The following E2F3 variants were observed in gnomAD, a reference collection of about 807,000 sequenced individuals.
E2F3 encodes the protein E2F transcription factor 3, also known as transcription factor E2F3.
A neutral mutation model predicts 44.4 loss-of-function variants in E2F3; 11 were observed. That is an observed-to-expected ratio of 0.25 (90% CI 0.16 to 0.41). The LOEUF is 0.41. Ranked by LOEUF, E2F3 falls within the 10% of genes least tolerant of loss-of-function variation. E2F3 has a pLI of 1.00. For missense variants in E2F3, 487 were observed against 583.6 expected (o/e 0.83, Z 1.70); for synonymous variants, 249 against 253.0 (o/e 0.98, Z 0.15).
chr6:20,469,526 T>C (rs1761822127), intron 1 of E2F3, among the ~76,000 whole-genome samples: 2 of 152,224 alleles, frequency 1.3e-5, no homozygotes, highest in South Asian at 4.1e-4. Flanking sequence ...TAAGTTTCTA[T>C]AGGAGGGACC....
At chr6:20,480,137 A>T (rs1403548428) in intron 2 of E2F3, 180 bp downstream of exon 2, 2 of 848,564 alleles carry the variant, frequency 2.4e-6, no homozygotes, top group East Asian at 2.4e-4. Context: ...GTGAAAGGCT[A>T]CAGAGTCACA....
chr6:20,423,925 T>A (rs1760115627), intron 1 of E2F3, among the ~76,000 whole-genome samples: 2 of 151,910 alleles, frequency 1.3e-5, no homozygotes, highest in African/African-American at 4.8e-5. Context: ...CCTGCCACCA[T>A]GCCCGGCTAA....
intron 1 of E2F3, among the ~76,000 whole-genome samples, chr6:20,471,856 A>AT (rs763836645): frequency 6.6e-6 from 1 of 150,410 alleles, no homozygotes; most frequent in Non-Finnish European, 1.5e-5. Flanking sequence ...GTGTGGATCT[A>AT]TTTTCAGGCC....
At chr6:20,479,993 G>C (rs1762169432) in intron 2 of E2F3, 36 bp downstream of exon 2, 1 of 1,563,968 alleles carries the variant, frequency 6.4e-7, no homozygotes, top group African/African-American at 1.4e-5. Flanking sequence ...TATTCTCCTT[G>C]GTATGGCATT....
At chr6:20,445,087 G>A (rs956154312) in intron 1 of E2F3, 51 of 985,266 alleles carry the variant, frequency 5.2e-5, no homozygotes, top group Non-Finnish European at 5.4e-5. Context: ...CTCCTCAGTC[G>A]GGCTGGAGAG....
chr6:20,427,173 G>A (rs949004235), intron 1 of E2F3, among the ~76,000 whole-genome samples: 6 of 152,194 alleles, frequency 3.9e-5, no homozygotes, highest in South Asian at 2.1e-4. Context: ...TGGGCATATC[G>A]AACTGATTCC....
intron 1 of E2F3, among the ~76,000 whole-genome samples, chr6:20,457,348 C>CTTTTTTT (rs60238519): frequency 3.7e-5 from 4 of 109,508 alleles, no homozygotes; most frequent in Non-Finnish European, 5.2e-5. Context: ...CTTATTTTTT[C>CTTTTTTT]TTTTTTTTTT....
chr6:20,437,651 C>T (rs1760636040), intron 1 of E2F3, among the ~76,000 whole-genome samples: 1 of 152,034 alleles, frequency 6.6e-6, no homozygotes, highest in Non-Finnish European at 1.5e-5. Context: ...GAGCACAGAG[C>T]CACTGGTTTA....
intron 1 of E2F3, among the ~76,000 whole-genome samples, chr6:20,429,001 A>G (rs1760308181): frequency 6.6e-6 from 1 of 152,186 alleles, no homozygotes; most frequent in Admixed American, 6.5e-5. Context: ...ACCTTTGGCA[A>G]TGTCTGGAGA....
Position 20,402,538 on chromosome 6 carries a change from G to C in E2F3, c.306G>C (p.Thr102=), listed in dbSNP as rs780221766. The change falls in exon 1 of 7, where the codon ACG becomes ACC. Residue 102 remains threonine (T), a synonymous_variant. Coordinates refer to ENST00000346618, the MANE Select transcript of E2F3 (RefSeq NM_001949.5). This position sits in a 1 kb window ranked among gnomAD's most constrained non-coding sequence, Gnocchi z 5.6. ...EQTAGSLLYT[T]PHGPSSRAGL... ...CCGCCGGCAGCCTCCTCTACACCAC[G>C]CCGCACGGACCCTCCAGCAGAGCCG... The C allele has an allele frequency of 6.3e-7, 1 of 1,594,708 alleles. No individual in the cohort carries two copies. The highest frequency in any genetic ancestry group is 8.5e-7 in the Non-Finnish European group (1 of 1,177,204).
At chr6:20,441,949 G>C (rs568038850) in intron 1 of E2F3, among the ~76,000 whole-genome samples, 2 of 152,032 alleles carry the variant, frequency 1.3e-5, no homozygotes, top group East Asian at 3.9e-4. Flanking sequence ...CCATGCACTA[G>C]GGGATTGACG....
At chr6:20,456,774 T>A (rs1180974461) in intron 1 of E2F3, among the ~76,000 whole-genome samples, 1 of 152,192 alleles carries the variant, frequency 6.6e-6, no homozygotes, top group Non-Finnish European at 1.5e-5. Context: ...ATTATGAAGG[T>A]TTGTTTCTCA....
chr6:20,402,052 T>G lies in E2F3; in HGVS notation c.-181T>G. ...CTCCTCTCTCCAGAGCCCCGATTATTTTTGGCCCCCGGGGCCTGTGCGGTG... is the reference window on the plus strand; with the variant it reads ...CTCCTCTCTCCAGAGCCCCGATTATGTTTGGCCCCCGGGGCCTGTGCGGTG... On this transcript the variant is annotated 5_prime_UTR_variant, in exon 1 of 7. In the 5' UTR this introduces an upstream ATG that the reference lacks. Transcript: ENST00000346618. The surrounding 1 kb of genome is among the most constrained non-coding windows in gnomAD (Gnocchi z 5.6). The G allele has an allele frequency of 1.9e-6, 2 of 1,076,098 alleles. No individual in the cohort carries two copies. Among genetic ancestry groups the G allele is most frequent in the Non-Finnish European group, 2.5e-6 (2 of 804,786 alleles). 66.7% of individuals were successfully genotyped at this position (1,076,098 alleles called of 1,614,324 possible).
At chr6:20,431,191 C>T (rs760250572) in intron 1 of E2F3, among the ~76,000 whole-genome samples, 2 of 152,158 alleles carry the variant, frequency 1.3e-5, no homozygotes, top group Admixed American at 6.5e-5. Context: ...TGAATCTACC[C>T]GGTGGGAGGA....
At chr6:20,475,802 A>T (rs1762025455) in intron 1 of E2F3, among the ~76,000 whole-genome samples, 2 of 152,204 alleles carry the variant, frequency 1.3e-5, no homozygotes, top group South Asian at 4.1e-4. Context: ...CCATTTGTTG[A>T]CTTTAATTTG....
At chr6:20,445,117 A>G in intron 1 of E2F3, 1 of 985,408 alleles carries the variant, frequency 1.0e-6, no homozygotes, top group Non-Finnish European at 1.2e-6. Flanking sequence ...GGTCATGGTG[A>G]GTTGGTCTTT....
chr6:20,493,427 T>A lies in E2F3; in HGVS notation c.*2997T>A. The A allele has an allele frequency of 4.4e-6, 1 of 227,796 alleles. No homozygotes were observed. Among genetic ancestry groups the A allele is most frequent in the Non-Finnish European group, 8.7e-6 (1 of 114,414 alleles). 14.1% of individuals were successfully genotyped at this position (227,796 alleles called of 1,614,324 possible). A position where few individuals can be genotyped will look rare whatever the true frequency, so the allele number is the denominator to read the frequency against. On this transcript the variant is annotated 3_prime_UTR_variant, in exon 7 of 7. Transcript: ENST00000346618. Reference sequence around the variant, plus strand: ...GGTGGCAATTGTCAGGGTGTGGGAATTTCTTTTCCTACGGGGTACGTGATT... The same window carrying A: ...GGTGGCAATTGTCAGGGTGTGGGAAATTCTTTTCCTACGGGGTACGTGATT...
intron 1 of E2F3, among the ~76,000 whole-genome samples, chr6:20,445,573 A>T (rs927287074): frequency 2.6e-5 from 4 of 152,156 alleles, no homozygotes; most frequent in African/African-American, 9.7e-5. Flanking sequence ...TTTGTTTATA[A>T]AACAGTGGTA....
At chr6:20,438,024 TA>T (rs779590498) in intron 1 of E2F3, 31 of 151,468 alleles carry the variant, frequency 2.0e-4, no homozygotes, top group Non-Finnish European at 3.4e-4. Flanking sequence ...TTATTTGCTT[TA>T]AGTTAACTTT....
Sources: allele counts gnomAD v4.1 joint callset (sites outside exome capture counted in the v4.1 genomes callset), GRCh38; gene constraint gnomAD v4.1.1; non-coding constraint Gnocchi (gnomAD v3.1); transcripts MANE v1.5; gene names NCBI Gene and HGNC (gene_info 2026-07-23, HGNC 2026-07-21).